The following MYO7B variants were observed in gnomAD, a reference collection of about 807,000 sequenced individuals.
The protein encoded by MYO7B is myosin VIIB, also known as unconventional myosin-VIIb.
MYO7B carries 212 observed loss-of-function variants against 259.7 expected under a neutral mutation model. That is an observed-to-expected ratio of 0.82 (90% confidence interval 0.73 to 0.91). The LOEUF (loss-of-function observed/expected upper bound fraction) is 0.91. Among genes scored for constraint, MYO7B ranks in the 40% least tolerant of loss-of-function variants. The pLI, the probability that MYO7B is intolerant of heterozygous loss-of-function variation, is 0.00. For missense variants in MYO7B, 2,732 were observed against 2,813.5 expected, an observed-to-expected ratio of 0.97 and a Z score of 0.66; for synonymous variants, 1,197 against 1,166.4, an observed-to-expected ratio of 1.03 and a Z score of -0.54.
At chr2:127,595,771 G>A (rs912336633) in intron 18 of MYO7B, among the ~76,000 whole-genome samples, 2 of 152,194 alleles carry the variant, frequency 1.3e-5, no homozygotes, top group African/African-American at 2.4e-5. Flanking sequence ...CTATGTAGTC[G>A]TGTGGTTTTG....
rs777887312 is a variant in MYO7B, at chr2:127,635,690, G to A, written c.5821-32G>A. 14 of 1,575,192 alleles carry A rather than the reference G, an allele frequency of 8.9e-6. No individual in the cohort carries two copies. The African/African-American group carries it at 1.5e-4, about 17-fold the overall frequency. ...TGGGGGCGGGTGGGCCGCAGCTGGA[G>A]ACCCAGCATGCCCAGTGTGTCCATC... On this transcript the variant is annotated intron_variant, in intron 43 of 47. Transcript: ENST00000409816.
chr2:127,564,211 G>A lies in MYO7B; in HGVS notation c.77G>A (p.Gly26Asp), dbSNP rs562488957. Reference sequence around the variant, plus strand: ...CACAAGACCGGCGTGGCCATCGGGGGCATCATCAAAGAGGCAAAGCCAGGC... The same window carrying A: ...CACAAGACCGGCGTGGCCATCGGGGACATCATCAAAGAGGCAAAGCCAGGC... ...STHKTGVAIG[G>D]IIKEAKPGKV... Residue 26 changes from glycine to aspartate, a missense_variant, in exon 3 of 48, where the codon GGC (glycine) becomes GAC (aspartate). Physicochemically the swap from Gly to Asp is moderately conservative, Grantham distance 94 (BLOSUM62 -1). Coordinates refer to ENST00000409816, the MANE Select transcript of MYO7B (RefSeq NM_001393586.1). The A allele has an allele frequency of 1.5e-5, 24 of 1,580,778 alleles. No homozygotes were observed. The African/African-American group carries it at 2.4e-4, about 16-fold the overall frequency.
intron 29 of MYO7B, 101 bp downstream of exon 29, chr2:127,623,476 T>G: frequency 8.0e-7 from 1 of 1,255,206 alleles, no homozygotes; most frequent in Non-Finnish European, 1.1e-6. Context: ...GGCCACCACC[T>G]ACCCTCCCAG....
rs1207794536 is a variant in MYO7B, at chr2:127,636,268, T to G, written c.6067T>G (p.Phe2023Val). ...DKTVEEAKVA[F>V]LKWICRWPTF... ...GACAGTGGAGGAGGCCAAGGTGGCC[T>G]TCCTGAAGTGGATCTGCCGGTGGCC... The change falls in exon 45 of 48, where the codon TTC (phenylalanine) becomes GTC (valine). Residue 2023 changes from phenylalanine (F) to valine (V), a missense_variant. By Grantham distance (50) the Phe-to-Val change is conservative (BLOSUM62 -1). Transcript: ENST00000409816. This position sits in a 1 kb window ranked among gnomAD's most constrained non-coding sequence, Gnocchi z 4.5. 1 of 1,613,652 alleles carries G rather than the reference T, an allele frequency of 6.2e-7. No homozygotes were observed. The highest frequency in any genetic ancestry group is 8.5e-7 in the Non-Finnish European group (1 of 1,179,818).
chr2:127,591,028 A>G (rs778341152), intron 16 of MYO7B, among the ~76,000 whole-genome samples: 23 of 152,120 alleles, frequency 1.5e-4, no homozygotes, highest in Non-Finnish European at 3.1e-4. Flanking sequence ...AAAAAATTTA[A>G]AAGTATAAAA....
In MYO7B at chr2:127,584,893, AG is replaced by A. The variant is rs764742733; in HGVS notation, c.1672del (p.Val558CysfsTer16). 1 of 1,613,970 alleles carries A rather than the reference AG, an allele frequency of 6.2e-7. No homozygotes were observed. On this transcript the variant is annotated frameshift_variant, in exon 14 of 48. Transcript: ENST00000409816. LOFTEE classifies it high-confidence loss of function. This position sits in a 1 kb window ranked among gnomAD's most constrained non-coding sequence, Gnocchi z 5.8. ...TTTGGCATTGCCCATTTTGCCGGCG[AG>A]GTGTACTACCAAGCAGAAGGTGGGT... ...ARFGIAHFAG[E>X]VYYQAEGFLE... is the part of the protein sequence containing the mutation.
chr2:127,555,986 CAG>C (rs1693620772), intron 1 of MYO7B, among the ~76,000 whole-genome samples: 1 of 152,086 alleles, frequency 6.6e-6, no homozygotes, highest in Non-Finnish European at 1.5e-5. Flanking sequence ...CTAGTGCTGC[CAG>C]TGGAGTATTG....
intron 28 of MYO7B, 45 bp downstream of exon 28, chr2:127,622,146 G>GAC: frequency 3.3e-6 from 5 of 1,516,604 alleles, no homozygotes; most frequent in Non-Finnish European, 3.5e-6. Flanking sequence ...GGGTGGTGCA[G>GAC]ACCCCCAGGG....
At chr2:127,635,330 C>T (rs1399042161) in intron 43 of MYO7B, 104 bp downstream of exon 43, 90 of 1,108,334 alleles carry the variant, frequency 8.1e-5, no homozygotes, top group Non-Finnish European at 7.9e-6. Context: ...CAGCCTCAGC[C>T]CTGGGTACCA....
intron 39 of MYO7B, 68 bp from the exon 40 acceptor site, chr2:127,633,190 A>G (rs977059441): frequency 4.8e-6 from 6 of 1,260,374 alleles, no homozygotes; most frequent in East Asian, 2.5e-5. Context: ...TAGGGCCCAC[A>G]TCGGGGCTGG....
In MYO7B at chr2:127,564,203, C is replaced by A; in HGVS notation, c.69C>A (p.Ala23=). 6.3e-7 allele frequency: 1 copy of A among 1,578,804 alleles called. No homozygotes were observed. The highest frequency in any genetic ancestry group is 8.6e-7 in the Non-Finnish European group (1 of 1,162,810). ...CCTCCACCCACAAGACCGGCGTGGC[C>A]ATCGGGGGCATCATCAAAGAGGCAA... The part of the protein sequence containing the change: ...EPPSTHKTGV[A]IGGIIKEAKP... Residue 23 remains alanine (A), a synonymous_variant, in exon 3 of 48, where the codon GCC becomes GCA. Coordinates refer to ENST00000409816, the MANE Select transcript of MYO7B (RefSeq NM_001393586.1).
In MYO7B at chr2:127,607,302, G is replaced by A. The variant is rs1319585107; in HGVS notation, c.2521G>A (p.Ala841Thr). The A allele has an allele frequency of 4.5e-6, 7 of 1,551,202 alleles. 1 individual carries two copies. In the African/African-American group the frequency reaches 9.6e-5, roughly 21 times the overall value. ...GCGGCAGAGGACAGTCCAGCTGCAGGCCCTGTGCAGGGGATACCTGGTGCG... is the reference window on the plus strand; with the variant it reads ...GCGGCAGAGGACAGTCCAGCTGCAGACCCTGTGCAGGGGATACCTGGTGCG... ...AMRQRTVQLQALCRGYLVRQQ... is the reference protein window; with the variant it reads ...AMRQRTVQLQTLCRGYLVRQQ... Residue 841 changes from alanine to threonine, a missense_variant, in exon 21 of 48, where the codon GCC (alanine) becomes ACC (threonine). By Grantham distance (58) the Ala-to-Thr change is moderately conservative. Transcript: ENST00000409816. The surrounding 1 kb of genome is among the most constrained non-coding windows in gnomAD (Gnocchi z 4.4).
chr2:127,559,206 C>A lies in MYO7B; in HGVS notation c.-23-494C>A, dbSNP rs1020810085. ...TGCTAAGGACAGGTTTGAAAGGAGG[C>A]AGATCCGGGTTTGATTCCCAGCTGT... On this transcript the variant is annotated intron_variant, in intron 1 of 47. Transcript: ENST00000409816. The surrounding 1 kb of genome is among the most constrained non-coding windows in gnomAD (Gnocchi z 4.1). Among the ~76,000 whole-genome samples, 1 of 152,232 alleles carries A rather than the reference C, an allele frequency of 6.6e-6. No homozygotes were observed. Among genetic ancestry groups the A allele is most frequent in the Non-Finnish European group, 1.5e-5 (1 of 68,046 alleles).
At chr2:127,567,917 G>C (rs1009345434) in intron 5 of MYO7B, among the ~76,000 whole-genome samples, 1 of 152,162 alleles carries the variant, frequency 6.6e-6, no homozygotes, top group African/African-American at 2.4e-5. Flanking sequence ...TCATTAGATA[G>C]GGGGCAGGCC....
Position 127,584,672 on chromosome 2 carries a change from C to T in MYO7B, c.1555-106C>T, listed in dbSNP as rs1679232468. The T allele has an allele frequency of 1.5e-6, 2 of 1,374,192 alleles. No individual in the cohort carries two copies. The highest frequency in any genetic ancestry group is 2.0e-6 in the Non-Finnish European group (2 of 997,202). The allele number at this position is 1,374,192 out of a possible 1,614,324, so 85.1% of individuals were successfully genotyped here. On this transcript the variant is annotated intron_variant, in intron 13 of 47. Coordinates refer to ENST00000409816, the MANE Select transcript of MYO7B (RefSeq NM_001393586.1). This position sits in a 1 kb window ranked among gnomAD's most constrained non-coding sequence, Gnocchi z 5.8. ...TCCTGTCTGTACAAAGGCCCTCAAT[C>T]ATTCTGAGCCCAGATCTCTTTGCCT...
chr2:127,633,640 C>A (rs1031418942), intron 40 of MYO7B, among the ~76,000 whole-genome samples: 4 of 152,146 alleles, frequency 2.6e-5, no homozygotes, highest in African/African-American at 9.7e-5. Flanking sequence ...AGTCCCAGGA[C>A]TTGGGGGCCC....
chr2:127,635,169 G>T lies in MYO7B; in HGVS notation c.5763G>T (p.Trp1921Cys). ...AGGTGTACTTCATGCGGAAATTGTG[G>T]CTCAACATATCTCCAGGGAAGGATG... ...PYQVYFMRKL[W>C]LNISPGKDVN... The change falls in exon 43 of 48, where the codon TGG (tryptophan) becomes TGT (cysteine). Residue 1921 changes from tryptophan to cysteine, a missense_variant. Physicochemically the swap from Trp to Cys is radical, Grantham distance 215. Transcript: ENST00000409816. 1 of 1,613,660 alleles carries T rather than the reference G, an allele frequency of 6.2e-7. No homozygotes were observed.
intron 18 of MYO7B, 109 bp downstream of exon 18, chr2:127,593,753 C>G: frequency 1.0e-6 from 1 of 990,696 alleles, no homozygotes; most frequent in South Asian, 1.4e-5. Context: ...GCCAATGACA[C>G]TGGGCAGCAG....
chr2:127,595,860 T>C (rs904131923), intron 18 of MYO7B, among the ~76,000 whole-genome samples: 1 of 152,214 alleles, frequency 6.6e-6, no homozygotes, highest in Non-Finnish European at 1.5e-5. Flanking sequence ...TCTTTTGCAT[T>C]TGCTGAGGGT....
Sources: allele counts gnomAD v4.1 joint callset (sites outside exome capture counted in the v4.1 genomes callset), GRCh38; gene constraint gnomAD v4.1.1; non-coding constraint Gnocchi (gnomAD v3.1); transcripts MANE v1.5; gene names NCBI Gene and HGNC (gene_info 2026-07-23, HGNC 2026-07-21).